The following PKHD1 variants were observed in gnomAD, a reference collection of about 807,000 sequenced individuals.
PKHD1 encodes the protein fibrocystin.
A neutral mutation model predicts 412.0 loss-of-function variants in PKHD1; 291 were observed. That is an observed-to-expected ratio of 0.71 (90% CI 0.64 to 0.78). The LOEUF is 0.78. Ranked by LOEUF, PKHD1 falls within the 30% of genes least tolerant of loss-of-function variation. PKHD1 has a pLI of 0.00. For synonymous variants in PKHD1, 1,777 were observed against 1,821.5 expected, an observed-to-expected ratio of 0.98 and a Z score of 0.62; for missense variants, 4,825 against 4,950.7, an observed-to-expected ratio of 0.97 and a Z score of 0.76.
chr6:52,030,196 A>T (rs533407345), intron 29 of PKHD1, among the ~76,000 whole-genome samples: 27 of 152,252 alleles, frequency 1.8e-4, no homozygotes, highest in African/African-American at 6.3e-4. Context: ...AAGAAGAGGG[A>T]TGTGGTGTGG....
intron 60 of PKHD1, among the ~76,000 whole-genome samples, chr6:51,737,816 T>C (rs1390102025): frequency 6.6e-6 from 1 of 152,142 alleles, no homozygotes. Flanking sequence ...TGCCAATGAA[T>C]GTTTAATGTC....
At chr6:51,720,039 A>G (rs543849907) in intron 60 of PKHD1, among the ~76,000 whole-genome samples, 4 of 152,344 alleles carry the variant, frequency 2.6e-5, no homozygotes, top group Admixed American at 6.5e-5. Context: ...ATGTGTGTGC[A>G]TGGAGGCAGG....
chr6:51,872,401 G>C (rs1776115934), intron 46 of PKHD1, among the ~76,000 whole-genome samples: 1 of 80,342 alleles, frequency 1.2e-5, no homozygotes, highest in African/African-American at 3.6e-5. Context: ...TGGAATCTGA[G>C]TTTTTGTTTT....
chr6:52,074,457 T>TA (rs945903266), intron 6 of PKHD1, among the ~76,000 whole-genome samples: 14 of 152,042 alleles, frequency 9.2e-5, no homozygotes, highest in African/African-American at 1.9e-4. Context: ...CTGTTACTGC[T>TA]AAAAAAAATC....
intron 52 of PKHD1, among the ~76,000 whole-genome samples, chr6:51,817,294 T>C (rs866880749): frequency 3.2e-4 from 48 of 151,440 alleles, no homozygotes; most frequent in African/African-American, 1.0e-3. Flanking sequence ...TGTGTCATCA[T>C]AGGATCTTGC....
chr6:51,780,247 G>A lies in PKHD1; in HGVS notation c.8441-4326C>T, dbSNP rs189087996. On this transcript the variant is annotated intron_variant, in intron 53 of 66. Coordinates refer to ENST00000371117, the MANE Select transcript of PKHD1 (RefSeq NM_138694.4). ...CTAAAAATACAAAAATTAGCTTGGC[G>A]TGGTGCGACGCACCTGTAGTCTCAG... Among the ~76,000 whole-genome samples, 40 of 152,122 alleles carry A rather than the reference G, an allele frequency of 2.6e-4. 1 individual carries two copies. The East Asian group carries it at 6.8e-3, about 26-fold the overall frequency.
intron 52 of PKHD1, 24 bp downstream of exon 52, chr6:51,830,837 C>G (rs1768114071): frequency 6.2e-7 from 1 of 1,608,594 alleles, no homozygotes; most frequent in Admixed American, 1.7e-5. Context: ...GTCTGTGATT[C>G]ATCTCTTGGG....
intron 46 of PKHD1, among the ~76,000 whole-genome samples, chr6:51,873,376 G>T (rs975592755): frequency 6.6e-6 from 1 of 152,204 alleles, no homozygotes; most frequent in African/African-American, 2.4e-5. Context: ...AGGGCGTGCG[G>T]AGTGGGGTTG....
chr6:51,959,720 T>G, intron 36 of PKHD1, 150 bp downstream of exon 36: 1 of 721,628 alleles, frequency 1.4e-6, no homozygotes, highest in Non-Finnish European at 2.4e-6. Context: ...TCTGACCACT[T>G]CTTCCTTTAC....
intron 35 of PKHD1, among the ~76,000 whole-genome samples, chr6:51,961,631 A>T (rs1792054694): frequency 6.6e-6 from 1 of 152,100 alleles, no homozygotes; most frequent in Non-Finnish European, 1.5e-5. Context: ...TAACCCTTTA[A>T]TTTACTCCTG....
At chr6:51,983,419 T>C (rs955872838) in intron 35 of PKHD1, among the ~76,000 whole-genome samples, 10 of 152,220 alleles carry the variant, frequency 6.6e-5, no homozygotes, top group Non-Finnish European at 1.5e-4. Flanking sequence ...AAGCCGAACC[T>C]TCTGCCTTAA....
chr6:51,782,727 T>C (rs746985870), intron 53 of PKHD1, among the ~76,000 whole-genome samples: 1 of 152,160 alleles, frequency 6.6e-6, no homozygotes, highest in Non-Finnish European at 1.5e-5. Flanking sequence ...AAGGAGGACA[T>C]ACTTTTTTAA....
At chr6:51,808,436 T>G (rs1764177123) in intron 52 of PKHD1, among the ~76,000 whole-genome samples, 2 of 152,064 alleles carry the variant, frequency 1.3e-5, no homozygotes, top group Non-Finnish European at 2.9e-5. Context: ...TTAAAATCTT[T>G]TAAAAAATTG....
chr6:52,080,053 T>G, intron 4 of PKHD1, 45 bp from the exon 5 acceptor site: 2 of 1,105,694 alleles, frequency 1.8e-6, no homozygotes, highest in Non-Finnish European at 2.8e-6. Flanking sequence ...AAACCATGAA[T>G]TCCCAAAGCT....
chr6:51,736,610 A>G (rs1783882974), intron 60 of PKHD1, among the ~76,000 whole-genome samples: 1 of 152,212 alleles, frequency 6.6e-6, no homozygotes, highest in Admixed American at 6.5e-5. Flanking sequence ...TTAAAGAGCT[A>G]TATACCAAGC....
At chr6:52,024,452 G>T in intron 32 of PKHD1, 122 bp downstream of exon 32, 1 of 904,988 alleles carries the variant, frequency 1.1e-6, no homozygotes, top group Non-Finnish European at 1.8e-6. Context: ...ATTGTAAGAA[G>T]CCAGTGGGCT....
intron 57 of PKHD1, among the ~76,000 whole-genome samples, chr6:51,751,567 C>T (rs1177772753): frequency 6.6e-6 from 1 of 152,070 alleles, no homozygotes; most frequent in African/African-American, 2.4e-5. Flanking sequence ...TCTATAAATC[C>T]AAAATTATTA....
intron 52 of PKHD1, among the ~76,000 whole-genome samples, chr6:51,826,563 C>T (rs138513769): frequency 3.9e-5 from 6 of 152,116 alleles, no homozygotes; most frequent in Non-Finnish European, 4.4e-5. Flanking sequence ...TTGAGATTTG[C>T]GTAGTAAGGC....
chr6:51,909,188 A>G, intron 40 of PKHD1, 95 bp downstream of exon 40: 1 of 989,624 alleles, frequency 1.0e-6, no homozygotes, highest in South Asian at 1.3e-5. Context: ...TAAATCCCTC[A>G]AATCCCACAT....
Sources: gnomAD v4.1 joint callset for allele counts (sites outside exome capture counted in the v4.1 genomes callset) on GRCh38, gnomAD v4.1.1 for gene constraint, MANE v1.5 for transcripts, NCBI Gene and HGNC (gene_info 2026-07-23, HGNC 2026-07-21) for gene names.